The following FOXP1 variants were observed in gnomAD, a reference collection of about 807,000 sequenced individuals.
FOXP1 encodes forkhead box protein P1.
Under a neutral mutation model 98.2 loss-of-function variants are expected in FOXP1, and 15 were observed. The observed-to-expected ratio is 0.15, with a 90% CI of 0.10 to 0.24. FOXP1 has a LOEUF of 0.24. Among genes scored for constraint, FOXP1 ranks in the 10% least tolerant of loss-of-function variants. The pLI, the probability that FOXP1 is intolerant of heterozygous loss-of-function variation, is 1.00. For synonymous variants in FOXP1, 371 were observed against 314.5 expected (o/e 1.18, Z -1.90); for missense variants, 633 against 848.5 (o/e 0.75, Z 3.15).
At chr3:71,123,660 C>A (rs2058945145) in intron 6 of FOXP1, among the ~76,000 whole-genome samples, 1 of 152,170 alleles carries the variant, frequency 6.6e-6, no homozygotes, top group Admixed American at 6.5e-5. Context: ...TAAGTGAGAT[C>A]TCTTCTCCTG....
At chr3:70,976,650 C>T (rs1011569131) in intron 17 of FOXP1, among the ~76,000 whole-genome samples, 2 of 152,180 alleles carry the variant, frequency 1.3e-5, no homozygotes, top group African/African-American at 4.8e-5. Context: ...GCAACCTCCA[C>T]TTCTGGGCGA....
At chr3:71,382,944 A>G (rs1026444455) in intron 3 of FOXP1, among the ~76,000 whole-genome samples, 41 of 152,374 alleles carry the variant, frequency 2.7e-4, no homozygotes, top group Non-Finnish European at 4.4e-4. Flanking sequence ...TCTGATGAGA[A>G]ATACATCTTA....
At chr3:71,198,003 G>T in intron 6 of FOXP1, 199 bp downstream of exon 6, 1 of 1,614,208 alleles carries the variant, frequency 6.2e-7, no homozygotes, top group South Asian at 1.1e-5. Context: ...ACTCCCAAGG[G>T]CTTGAAATTA....
intron 1 of FOXP1, among the ~76,000 whole-genome samples, chr3:71,583,060 A>ACCCGGGACCCCGCACCGGC (rs1052221665): frequency 6.6e-6 from 1 of 151,504 alleles, no homozygotes; most frequent in African/African-American, 2.4e-5. Flanking sequence ...CGCGGCCAGG[A>ACCCGGGACCCCGCACCGGC]CCCGGGACCC....
chr3:71,251,961 T>G (rs1324305779), intron 5 of FOXP1, among the ~76,000 whole-genome samples: 1 of 151,938 alleles, frequency 6.6e-6, no homozygotes, highest in Non-Finnish European at 1.5e-5. Flanking sequence ...CACCTCCTAC[T>G]CCCCAAGCTG....
intron 5 of FOXP1, among the ~76,000 whole-genome samples, chr3:71,234,310 T>C (rs1246683655): frequency 6.6e-6 from 1 of 152,130 alleles, no homozygotes. Context: ...ATATTCCAAC[T>C]CGGAATTAAT....
chr3:71,075,800 A>T (rs2053748890), intron 7 of FOXP1, among the ~76,000 whole-genome samples: 1 of 152,000 alleles, frequency 6.6e-6, no homozygotes, highest in Admixed American at 6.6e-5. Context: ...CTGCAGCCTC[A>T]ACCTCCTGGG....
At chr3:71,244,294 C>T (rs773580363) in intron 5 of FOXP1, among the ~76,000 whole-genome samples, 5 of 152,102 alleles carry the variant, frequency 3.3e-5, no homozygotes, top group Non-Finnish European at 7.4e-5. Flanking sequence ...ACAGTGCGTG[C>T]GCTCTCATCC....
intron 2 of FOXP1, among the ~76,000 whole-genome samples, chr3:71,545,436 G>T (rs1178194309): frequency 4.6e-5 from 7 of 152,148 alleles, no homozygotes; most frequent in Admixed American, 6.5e-5. Context: ...ATGAATCAGA[G>T]TTACACAAGA....
intron 3 of FOXP1, among the ~76,000 whole-genome samples, chr3:71,378,788 AG>A (rs1470081774): frequency 6.6e-6 from 1 of 151,900 alleles, no homozygotes; most frequent in Non-Finnish European, 1.5e-5. Context: ...TCTGTACCTA[AG>A]TTATAAATTA....
In FOXP1 at chr3:71,212,286, G is replaced by A. The variant is rs944573358; in HGVS notation, c.-11-13894C>T. ...GAGTGGTACAAGGCTCATATATTGG[G>A]CAACTGAGCTACAGGAGACTTAAGA... On this transcript the variant is annotated intron_variant, in intron 5 of 20. Transcript: ENST00000649528. 7.9e-5 allele frequency among the ~76,000 whole-genome samples: 12 copies of A among 152,134 alleles called. 1 individual carries two copies. Among genetic ancestry groups the A allele is most frequent in the African/African-American group, 2.7e-4 (11 of 41,414 alleles).
chr3:70,958,064 C>G lies in FOXP1; in HGVS notation c.*1183G>C, dbSNP rs932923321. 4 of 286,072 alleles carry G rather than the reference C, an allele frequency of 1.4e-5. No individual in the cohort carries two copies. The highest frequency in any genetic ancestry group is 2.7e-5 in the Non-Finnish European group (4 of 148,258). The allele number at this position is 286,072 out of a possible 1,614,324, so 17.7% of individuals were successfully genotyped here. A position where few individuals can be genotyped will look rare whatever the true frequency, so the allele number is the denominator to read the frequency against. The stretch of plus-strand genomic sequence containing the variant: ...GCAGAGCACCCAAGGCCCATGGCAA[C>G]TTGGTTCCACAAGGGAGAGCCTTCC... On this transcript the variant is annotated 3_prime_UTR_variant, in exon 21 of 21. Coordinates refer to ENST00000649528, the MANE Select transcript of FOXP1 (RefSeq NM_001349338.3).
At chr3:71,378,221 G>A (rs2079875251) in intron 3 of FOXP1, among the ~76,000 whole-genome samples, 1 of 151,308 alleles carries the variant, frequency 6.6e-6, no homozygotes, top group Admixed American at 6.6e-5. Flanking sequence ...CTTTTGCCAG[G>A]GGAGGGGAAA....
chr3:71,474,771 A>G (rs1389810161), intron 3 of FOXP1, among the ~76,000 whole-genome samples: 6 of 152,024 alleles, frequency 3.9e-5, no homozygotes, highest in African/African-American at 1.2e-4. Flanking sequence ...ATTCTATATT[A>G]TGGTGAGTTG....
At chr3:71,049,381 C>T (rs932263460) in intron 9 of FOXP1, among the ~76,000 whole-genome samples, 3 of 152,142 alleles carry the variant, frequency 2.0e-5, no homozygotes, top group Non-Finnish European at 2.9e-5. Context: ...CTATTTTCCT[C>T]ACCACTTCTG....
intron 9 of FOXP1, among the ~76,000 whole-genome samples, 175 bp from the exon 10 acceptor site, chr3:71,047,270 G>A (rs1362334518): frequency 6.6e-6 from 1 of 152,154 alleles, no homozygotes; most frequent in Non-Finnish European, 1.5e-5. Context: ...GAGGAGGGGT[G>A]GGGAGATGAG....
chr3:71,525,805 A>C (rs1343613544), intron 2 of FOXP1, among the ~76,000 whole-genome samples: 1 of 152,114 alleles, frequency 6.6e-6, no homozygotes, highest in African/African-American at 2.4e-5. Flanking sequence ...GTAATATAAA[A>C]AATTTATTCA....
intron 3 of FOXP1, among the ~76,000 whole-genome samples, chr3:71,480,117 C>A (rs1022260852): frequency 6.6e-6 from 1 of 152,176 alleles, no homozygotes. Flanking sequence ...AATTGGTTGA[C>A]CCCGGGAGGC....
intron 2 of FOXP1, chr3:71,571,315 T>C (rs1578228738): frequency 6.6e-6 from 1 of 152,354 alleles, no homozygotes; most frequent in East Asian, 1.9e-4. Context: ...AAAACTGCTG[T>C]CTAATGGGTG....
Sources: gnomAD v4.1 joint callset for allele counts (sites outside exome capture counted in the v4.1 genomes callset) on GRCh38, gnomAD v4.1.1 for gene constraint, MANE v1.5 for transcripts, NCBI Gene and HGNC (gene_info 2026-07-23, HGNC 2026-07-21) for gene names.